Variants in CD247 observed in about 807,000 individuals in gnomAD.
CD247 encodes CD247 molecule.
In CD247, 13 loss-of-function variants were observed where a neutral mutation model predicts 30.0. The ratio of observed to expected loss-of-function variants is 0.43; its 90% CI spans 0.28 to 0.69. The LOEUF (loss-of-function observed/expected upper bound fraction) is 0.69. Among genes scored for constraint, CD247 ranks in the 30% least tolerant of loss-of-function variants. CD247 has a pLI of 0.16. For synonymous variants in CD247, 72 were observed against 80.0 expected, an observed-to-expected ratio of 0.90 and a Z score of 0.53; for missense variants, 193 against 212.6, an observed-to-expected ratio of 0.91 and a Z score of 0.57.
chr1:167,442,721 C>A (rs572383801), intron 1 of CD247, among the ~76,000 whole-genome samples: 1 of 152,192 alleles, frequency 6.6e-6, no homozygotes, highest in South Asian at 2.1e-4. Context: ...CCGCCAGTGT[C>A]CCCACCCCCA....
In CD247 at chr1:167,433,952, G is replaced by A. The variant is rs1651402069; in HGVS notation, c.393+68C>T. The A allele has an allele frequency of 8.2e-6, 11 of 1,337,878 alleles. No homozygotes were observed. In the South Asian group the frequency reaches 9.3e-5, roughly 11 times the overall value. 82.9% of individuals were successfully genotyped at this position (1,337,878 alleles called of 1,614,324 possible). A position where few individuals can be genotyped will look rare whatever the true frequency, so the allele number is the denominator to read the frequency against. Reference sequence around the variant, plus strand: ...GGATGAGAAGTGGATGGGAAAGGAGGCCTGCAGCAGGCGTGTCTGGAGGAC... The same window carrying A: ...GGATGAGAAGTGGATGGGAAAGGAGACCTGCAGCAGGCGTGTCTGGAGGAC... On this transcript the variant is annotated intron_variant, in intron 6 of 7. Transcript: ENST00000362089.
intron 1 of CD247, among the ~76,000 whole-genome samples, chr1:167,444,588 C>G (rs370691209): frequency 5.1e-4 from 78 of 152,270 alleles, no homozygotes; most frequent in African/African-American, 1.8e-3. Context: ...AATCCACCGC[C>G]CTCTCCCCTG....
At chr1:167,458,331 A>G (rs1031887343) in intron 1 of CD247, 1 of 152,350 alleles carries the variant, frequency 6.6e-6, no homozygotes, top group South Asian at 2.1e-4. Flanking sequence ...ATGTTTTCTC[A>G]CAGGTCTTTC....
intron 1 of CD247, among the ~76,000 whole-genome samples, chr1:167,493,894 A>C (rs1478718759): frequency 6.6e-6 from 1 of 152,180 alleles, no homozygotes; most frequent in East Asian, 1.9e-4. Flanking sequence ...TCCAGGAAGC[A>C]TGTGCCCTGG....
At chr1:167,452,535 G>C (rs1445412557) in intron 1 of CD247, among the ~76,000 whole-genome samples, 1 of 152,172 alleles carries the variant, frequency 6.6e-6, no homozygotes, top group Admixed American at 6.5e-5. Context: ...CACCTCACGA[G>C]TGGTCATGTG....
At chr1:167,505,139 TC>T (rs1305537615) in intron 1 of CD247, among the ~76,000 whole-genome samples, 1 of 152,166 alleles carries the variant, frequency 6.6e-6, no homozygotes. Flanking sequence ...CTTTTCTTTT[TC>T]TTTTTTTAGA....
At chr1:167,457,790 A>C (rs766600281) in intron 1 of CD247, 2 of 152,126 alleles carry the variant, frequency 1.3e-5, no homozygotes, top group Non-Finnish European at 2.9e-5. Context: ...GTTCTTTCCT[A>C]TGCAACTAGA....
chr1:167,469,291 T>C (rs1653403055), intron 1 of CD247, among the ~76,000 whole-genome samples: 3 of 152,218 alleles, frequency 2.0e-5, no homozygotes, highest in South Asian at 4.1e-4. Context: ...TATACATTTG[T>C]GGGACTGAGT....
intron 1 of CD247, among the ~76,000 whole-genome samples, chr1:167,501,078 G>A (rs561008388): frequency 3.0e-5 from 4 of 131,652 alleles, no homozygotes; most frequent in Admixed American, 8.0e-5. Flanking sequence ...TTTTTTGACC[G>A]AGTTTTGCAC....
intron 1 of CD247, among the ~76,000 whole-genome samples, chr1:167,495,989 A>G (rs912423944): frequency 6.6e-6 from 1 of 152,058 alleles, no homozygotes; most frequent in Non-Finnish European, 1.5e-5. Flanking sequence ...TACCTCGTTT[A>G]TTGCCTGTCT....
At chr1:167,471,583 G>C (rs1653522846) in intron 1 of CD247, among the ~76,000 whole-genome samples, 1 of 151,974 alleles carries the variant, frequency 6.6e-6, no homozygotes, top group African/African-American at 2.4e-5. Context: ...GAATTGTGTG[G>C]TGATGACTTT....
intron 1 of CD247, among the ~76,000 whole-genome samples, chr1:167,486,902 C>G (rs1013009637): frequency 6.6e-6 from 1 of 151,922 alleles, no homozygotes; most frequent in South Asian, 2.1e-4. Flanking sequence ...GGTGCAACCC[C>G]GTCTCTACTA....
rs1462848673 is a variant in CD247, at chr1:167,449,183, C to T, written c.59-8416G>A. On this transcript the variant is annotated intron_variant, in intron 1 of 7. Coordinates refer to ENST00000362089, the MANE Select transcript of CD247 (RefSeq NM_198053.3). Reference sequence around the variant, plus strand: ...TTTTTTTTTTTTTGAGACAGAGTCTCGCTTTGTTGCCCAGGCTGGAGTGCA... The same window carrying T: ...TTTTTTTTTTTTTGAGACAGAGTCTTGCTTTGTTGCCCAGGCTGGAGTGCA... Among the ~76,000 whole-genome samples, 7 of 19,640 alleles carry T rather than the reference C, an allele frequency of 3.6e-4. No individual in the cohort carries two copies. The East Asian group carries it at 0.033, about 94-fold the overall frequency. 12.9% of individuals were successfully genotyped at this position (19,640 alleles called of 152,430 possible).
intron 1 of CD247, among the ~76,000 whole-genome samples, chr1:167,443,970 A>G (rs558645316): frequency 7.1e-4 from 108 of 152,280 alleles, no homozygotes; most frequent in African/African-American, 2.6e-3. Flanking sequence ...TTAAATATTC[A>G]TTGGGCATCT....
chr1:167,448,748 C>T lies in CD247; in HGVS notation c.59-7981G>A, dbSNP rs1353763368. ...TGGTGGCGGGCGCCTGTAATACCAG[C>T]TACTCAAGACGCTGAGGCAAAAGAA... On this transcript the variant is annotated intron_variant, in intron 1 of 7. Coordinates refer to ENST00000362089, the MANE Select transcript of CD247 (RefSeq NM_198053.3). 2.6e-5 allele frequency among the ~76,000 whole-genome samples: 4 copies of T among 152,314 alleles called. No individual in the cohort carries two copies. In the East Asian group the frequency reaches 7.7e-4, roughly 29 times the overall value.
chr1:167,483,382 G>A (rs1009210284), intron 1 of CD247, among the ~76,000 whole-genome samples: 1 of 152,084 alleles, frequency 6.6e-6, no homozygotes, highest in Non-Finnish European at 1.5e-5. Flanking sequence ...TCTTCTCAGG[G>A]TGGTGGTATC....
At chr1:167,445,357 A>G (rs1381307858) in intron 1 of CD247, among the ~76,000 whole-genome samples, 5 of 152,106 alleles carry the variant, frequency 3.3e-5, no homozygotes, top group African/African-American at 4.8e-5. Flanking sequence ...CCCATGCACG[A>G]TAAGTTGGAA....
intron 1 of CD247, among the ~76,000 whole-genome samples, chr1:167,454,518 G>C (rs2102016119): frequency 6.6e-6 from 1 of 152,364 alleles, no homozygotes; most frequent in African/African-American, 2.4e-5. Context: ...GCCCAGCCCT[G>C]GCTCAGTACA....
chr1:167,474,792 C>A lies in CD247; in HGVS notation c.59-34025G>T, dbSNP rs569834067. Among the ~76,000 whole-genome samples, 6 of 141,516 alleles carry A rather than the reference C, an allele frequency of 4.2e-5. No homozygotes were observed. The South Asian group carries it at 1.1e-3, about 27-fold the overall frequency. The allele number at this position is 141,516 out of a possible 152,430, so 92.8% of individuals were successfully genotyped here. Reference sequence around the variant, plus strand: ...TTTTTTTGACGGAGTCTTGCTCTGTCCCCAGGCTGGAGTGCAGTGGTACGA... The same window carrying A: ...TTTTTTTGACGGAGTCTTGCTCTGTACCCAGGCTGGAGTGCAGTGGTACGA... On this transcript the variant is annotated intron_variant, in intron 1 of 7. Coordinates refer to ENST00000362089, the MANE Select transcript of CD247 (RefSeq NM_198053.3).
Sources: gnomAD v4.1 joint callset for allele counts (sites outside exome capture counted in the v4.1 genomes callset) on GRCh38, gnomAD v4.1.1 for gene constraint, MANE v1.5 for transcripts, NCBI Gene and HGNC (gene_info 2026-07-23, HGNC 2026-07-21) for gene names.